LCN6: variants seen among roughly 807,000 people sequenced by gnomAD.
LCN6 encodes epididymal-specific lipocalin-6.
Under a neutral mutation model 21.4 loss-of-function variants are expected in LCN6, and 20 were observed. That is an observed-to-expected ratio of 0.93 (90% confidence interval 0.66 to 1.36). The LOEUF is 1.36. Ranked by LOEUF, LCN6 falls within the 40% of genes most tolerant of loss-of-function variation. The probability of loss-of-function intolerance (pLI) is 0.00; values close to 1 mark genes in which losing one functional copy is unlikely to be tolerated. For missense variants in LCN6, 217 were observed against 206.6 expected, an observed-to-expected ratio of 1.05 and a Z score of -0.31; for synonymous variants, 96 against 89.0, an observed-to-expected ratio of 1.08 and a Z score of -0.44.
At position 136,745,827 on chromosome 9, in the gene LCN6, G is replaced by A. The variant is rs985947932; in HGVS notation, c.301+17C>T. ...AGGGAAGAACGGCCTGGGTGAGGCC[G>A]TGGCCGTCAGACTCACAGGGATTCT... On this transcript the variant is annotated intron_variant, in intron 3 of 6. Transcript: ENST00000341206. 17 of 1,610,484 alleles carry A rather than the reference G, an allele frequency of 1.1e-5. No homozygotes were observed. Among genetic ancestry groups the A allele is most frequent in the African/African-American group, 8.0e-5 (6 of 74,866 alleles).
At position 136,744,462 on chromosome 9, in the gene LCN6, C is replaced by G. The variant is rs897064359; in HGVS notation, c.*23-98G>C. On this transcript the variant is annotated intron_variant, in intron 5 of 6. Coordinates refer to ENST00000341206, the MANE Select transcript of LCN6 (RefSeq NM_198946.3). The surrounding 1 kb of genome is among the most constrained non-coding windows in gnomAD (Gnocchi z 4.2). Reference sequence around the variant, plus strand: ...CTCGCCTGCCGTGGGGACAAGACCCCCAGGCCTGACTTTGGGCAGGGGCAG... The same window carrying G: ...CTCGCCTGCCGTGGGGACAAGACCCGCAGGCCTGACTTTGGGCAGGGGCAG... 11 of 524,018 alleles carry G rather than the reference C, an allele frequency of 2.1e-5. No homozygotes were observed. The highest frequency in any genetic ancestry group is 3.8e-5 in the Non-Finnish European group (11 of 288,144). 32.5% of individuals were successfully genotyped at this position (524,018 alleles called of 1,614,324 possible). A position where few individuals can be genotyped will look rare whatever the true frequency, so the allele number is the denominator to read the frequency against.
At chr9:136,747,597 C>CCCTCCAG (rs751451501) in intron 1 of LCN6, 34 bp from the exon 2 acceptor site, 13 of 1,598,158 alleles carry the variant, frequency 8.1e-6, no homozygotes, top group South Asian at 6.6e-5. Flanking sequence ...GGGCCGCCAG[C>CCCTCCAG]CCTCCAGCCT....
chr9:136,745,256 A>G lies in LCN6; in HGVS notation c.326T>C (p.Val109Ala). ...ATAGTCTCTGAAGTTGGTGGCCAGC[A>G]CCCAGAGCTCCAGCACGCCTATTGC... ...NPSIGVLELW[V>A]LATNFRDYAI... is the part of the protein sequence containing the mutation. Residue 109 changes from valine (V) to alanine (A), a missense_variant, in exon 4 of 7, where the codon GTG becomes GCG. Transcript: ENST00000341206. The G allele has an allele frequency of 6.2e-7, 1 of 1,613,454 alleles. No homozygotes were observed. Among genetic ancestry groups the G allele is most frequent in the Non-Finnish European group, 8.5e-7 (1 of 1,179,838 alleles).
At chr9:136,746,902 G>C (rs1847046123) in intron 2 of LCN6, 1 of 153,322 alleles carries the variant, frequency 6.5e-6, no homozygotes, top group African/African-American at 2.4e-5. Context: ...CCGCCCCACA[G>C]CCTGGCCCAC....
rs996133948 is a variant in LCN6 at position 136,745,270 on chromosome 9, C to G, written c.312G>C (p.Val104=). 6.2e-7 allele frequency: 1 copy of G among 1,612,346 alleles called. No individual in the cohort carries two copies. Among genetic ancestry groups the G allele is most frequent in the Non-Finnish European group, 8.5e-7 (1 of 1,178,998 alleles). Residue 104 remains valine (V), a synonymous_variant, in exon 4 of 7, where the codon GTG becomes GTC. Coordinates refer to ENST00000341206, the MANE Select transcript of LCN6 (RefSeq NM_198946.3). ...TGGTGGCCAGCACCCAGAGCTCCAG[C>G]ACGCCTATTGCTAGGAAACAAAACC... ...GWVFENPSIG[V]LELWVLATNF...
intron 3 of LCN6, 41 bp downstream of exon 3, chr9:136,745,803 G>A: frequency 6.3e-7 from 1 of 1,579,134 alleles, no homozygotes; most frequent in East Asian, 2.2e-5. Context: ...GGATGCTGCA[G>A]GGAAGAACGG....
Position 136,747,564 on chromosome 9 carries a change from C to T in LCN6, c.91-1G>A. The T allele has an allele frequency of 6.2e-7, 1 of 1,609,804 alleles. No individual in the cohort carries two copies. The highest frequency in any genetic ancestry group is 2.2e-5 in the East Asian group (1 of 44,886). On this transcript the variant is annotated splice_acceptor_variant, in intron 1 of 6. Transcript: ENST00000341206. LOFTEE classifies it high-confidence loss of function. ...CAAGCACGTACCAGGGCCCAAGAAG[C>T]TGCATTGAGGCGGCTCCCGTTAGGG...
Position 136,744,847 on chromosome 9 carries a change from TG to T in LCN6, c.413-107del. On this transcript the variant is annotated intron_variant, in intron 4 of 6. Transcript: ENST00000341206. This position sits in a 1 kb window ranked among gnomAD's most constrained non-coding sequence, Gnocchi z 4.2. ...AAGGAGGCCACCTGCCCTGGGATGC[TG>T]GCCCCGGTCCTTCCAAAGCCACCTC... is the stretch of plus-strand genomic sequence containing the variant. 1 of 825,496 alleles carries T rather than the reference TG, an allele frequency of 1.2e-6. No homozygotes were observed. Among genetic ancestry groups the T allele is most frequent in the Non-Finnish European group, 2.0e-6 (1 of 506,080 alleles). 51.1% of individuals were successfully genotyped at this position (825,496 alleles called of 1,614,324 possible).
At chr9:136,746,290 G>A (rs1425068041) in intron 2 of LCN6, among the ~76,000 whole-genome samples, 9 of 123,260 alleles carry the variant, frequency 7.3e-5, no homozygotes, top group South Asian at 3.3e-4. Context: ...GGGTTCGCCC[G>A]CAACTCAGGG....
chr9:136,744,789 G>A lies in LCN6; in HGVS notation c.413-48C>T. ...GGGGGAAGCAACCTCTGAGAGCTGG[G>A]GAGGGGCCGGGGAGGGGCTGGGAAG... On this transcript the variant is annotated intron_variant, in intron 4 of 6. Coordinates refer to ENST00000341206, the MANE Select transcript of LCN6 (RefSeq NM_198946.3). This position sits in a 1 kb window ranked among gnomAD's most constrained non-coding sequence, Gnocchi z 4.2. 1.5e-6 allele frequency: 2 copies of A among 1,370,248 alleles called. No individual in the cohort carries two copies. The highest frequency in any genetic ancestry group is 2.1e-6 in the Non-Finnish European group (2 of 974,272). The allele number at this position is 1,370,248 out of a possible 1,614,324, so 84.9% of individuals were successfully genotyped here.
At chr9:136,745,939 C>T (rs1847031192) in intron 2 of LCN6, 25 bp from the exon 3 acceptor site, 2 of 1,610,190 alleles carry the variant, frequency 1.2e-6, no homozygotes, top group African/African-American at 1.3e-5. Flanking sequence ...GCCTGTCACC[C>T]ACTCAGGGTC....
chr9:136,748,232 C>A (rs1847076833), intron 1 of LCN6, among the ~76,000 whole-genome samples, 162 bp downstream of exon 1: 1 of 152,258 alleles, frequency 6.6e-6, no homozygotes. Flanking sequence ...ACCCCTCCTG[C>A]CCTGAGGCTC....
At chr9:136,747,768 C>G (rs1346791432) in intron 1 of LCN6, among the ~76,000 whole-genome samples, 1 of 148,018 alleles carries the variant, frequency 6.8e-6, no homozygotes, top group Non-Finnish European at 1.5e-5. Context: ...CTCCAACCAT[C>G]CAGCCCTCCA....
intron 2 of LCN6, 68 bp from the exon 3 acceptor site, chr9:136,745,982 C>T (rs959981807): frequency 1.4e-6 from 2 of 1,412,070 alleles, no homozygotes; most frequent in Non-Finnish European, 2.0e-6. Context: ...GGAGACGGAG[C>T]TCAGGAGTCC....
chr9:136,748,306 T>C, intron 1 of LCN6, 88 bp downstream of exon 1: 2 of 1,188,180 alleles, frequency 1.7e-6, no homozygotes. Context: ...TGGTCTGGGC[T>C]AGCCCTGGGG....
Position 136,745,756 on chromosome 9 carries a change from G to C in LCN6, c.301+88C>G, listed in dbSNP as rs542579447. ...CTGTAGCCTCCTGGCTCTCGGGAGC[G>C]GAGTCAGCCCTCCGTCCCTGCCCGC... On this transcript the variant is annotated intron_variant, in intron 3 of 6. Transcript: ENST00000341206. 2.6e-6 allele frequency: 3 copies of C among 1,158,162 alleles called. No homozygotes were observed. The South Asian group carries it at 3.7e-5, about 14-fold the overall frequency. The allele number at this position is 1,158,162 out of a possible 1,614,324, so 71.7% of individuals were successfully genotyped here.
chr9:136,744,439 C>T lies in LCN6; in HGVS notation c.*23-75G>A, dbSNP rs781353819. ...ACCCCAGGGCCCCACCCACAAGACTCGCCTGCCGTGGGGACAAGACCCCCA... is the reference window on the plus strand; with the variant it reads ...ACCCCAGGGCCCCACCCACAAGACTTGCCTGCCGTGGGGACAAGACCCCCA... On this transcript the variant is annotated intron_variant, in intron 5 of 6. Transcript: ENST00000341206. The surrounding 1 kb of genome is among the most constrained non-coding windows in gnomAD (Gnocchi z 4.2). The T allele has an allele frequency of 2.8e-5, 14 of 501,064 alleles. No homozygotes were observed. The highest frequency in any genetic ancestry group is 6.7e-5 in the South Asian group (2 of 29,730). The allele number at this position is 501,064 out of a possible 1,614,324, so 31.0% of individuals were successfully genotyped here.
rs368780720 is a variant in LCN6, at chr9:136,745,338, C to T, written c.302-58G>A. 686 of 1,218,186 alleles carry T rather than the reference C, an allele frequency of 5.6e-4. 10 individuals are homozygous for T. The East Asian group carries it at 0.015, about 26-fold the overall frequency. 75.5% of individuals were successfully genotyped at this position (1,218,186 alleles called of 1,614,324 possible). A position where few individuals can be genotyped will look rare whatever the true frequency, so the allele number is the denominator to read the frequency against. On this transcript the variant is annotated intron_variant, in intron 3 of 6. Coordinates refer to ENST00000341206, the MANE Select transcript of LCN6 (RefSeq NM_198946.3). ...GCAGCTGCTGTATCCATCCAGGGGC[C>T]GCTGAGCTGATGCTGGCCACAGGGA...
chr9:136,747,545 C>T lies in LCN6; in HGVS notation c.109G>A (p.Val37Met), dbSNP rs144102728. 1.8e-4 allele frequency: 290 copies of T among 1,611,896 alleles called. 1 individual carries two copies. In the African/African-American group the frequency reaches 3.3e-3, roughly 18 times the overall value. Reference protein sequence around the residue: ...DPEQLLGPWYVLAVASREKGF... With the variant: ...DPEQLLGPWYMLAVASREKGF... ...TTTTCCCGGGAGGCCACCGCAAGCA[C>T]GTACCAGGGCCCAAGAAGCTGCATT... The change falls in exon 2 of 7, where the codon GTG becomes ATG. Residue 37 changes from valine to methionine, a missense_variant. Coordinates refer to ENST00000341206, the MANE Select transcript of LCN6 (RefSeq NM_198946.3).
Sources: gnomAD v4.1 joint callset for allele counts (sites outside exome capture counted in the v4.1 genomes callset) on GRCh38, gnomAD v4.1.1 for gene constraint, Gnocchi (gnomAD v3.1) non-coding constraint, MANE v1.5 for transcripts, NCBI Gene and HGNC (gene_info 2026-07-23, HGNC 2026-07-21) for gene names.